PTPRD: variants seen among roughly 807,000 people sequenced by gnomAD.
The protein encoded by PTPRD is receptor-type tyrosine-protein phosphatase delta.
A neutral mutation model predicts 214.5 loss-of-function variants in PTPRD; 34 were observed. That is an observed-to-expected ratio of 0.16 (90% CI 0.12 to 0.21). PTPRD has a LOEUF of 0.21. Among genes scored for constraint, PTPRD ranks in the 10% least tolerant of loss-of-function variants. PTPRD has a pLI of 1.00. For synonymous variants in PTPRD, 1,128 were observed against 845.7 expected, an observed-to-expected ratio of 1.33 and a Z score of -5.79; for missense variants, 2,545 against 2,398.7, an observed-to-expected ratio of 1.06 and a Z score of -1.27.
intron 4 of PTPRD, among the ~76,000 whole-genome samples, chr9:9,969,403 T>C (rs943784909): frequency 5.9e-5 from 9 of 152,114 alleles, no homozygotes; most frequent in African/African-American, 1.7e-4. Context: ...AAGGTTTTAA[T>C]CAAGGAGATA....
chr9:8,838,719 A>G (rs2097493421), intron 11 of PTPRD, among the ~76,000 whole-genome samples: 1 of 152,128 alleles, frequency 6.6e-6, no homozygotes, highest in Non-Finnish European at 1.5e-5. Flanking sequence ...TTGCAGGATA[A>G]AAATAAATAT....
chr9:9,702,404 G>C (rs958116819), intron 7 of PTPRD, among the ~76,000 whole-genome samples: 2 of 152,112 alleles, frequency 1.3e-5, no homozygotes, highest in African/African-American at 4.8e-5. Flanking sequence ...TTTCACAGTG[G>C]GCTTTTTCTG....
chr9:9,418,199 T>C (rs2077548102), intron 8 of PTPRD, among the ~76,000 whole-genome samples: 1 of 152,038 alleles, frequency 6.6e-6, no homozygotes, highest in Admixed American at 6.6e-5. Flanking sequence ...GGCAAAGTGT[T>C]AAGCATGAAG....
chr9:8,822,024 G>T (rs1475484158), intron 11 of PTPRD, among the ~76,000 whole-genome samples: 2 of 152,206 alleles, frequency 1.3e-5, no homozygotes, highest in Non-Finnish European at 2.9e-5. Context: ...GACAGTTACA[G>T]GATTTGTTGC....
intron 2 of PTPRD, among the ~76,000 whole-genome samples, chr9:10,520,135 C>A (rs528411578): frequency 6.6e-6 from 1 of 152,188 alleles, no homozygotes; most frequent in South Asian, 2.1e-4. Context: ...CCAAGACAGC[C>A]CAAAAACTAG....
chr9:8,873,892 T>C (rs2098343777), intron 11 of PTPRD, among the ~76,000 whole-genome samples: 1 of 152,140 alleles, frequency 6.6e-6, no homozygotes, highest in East Asian at 1.9e-4. Context: ...CCCATGTGAA[T>C]AGTAATGGTG....
In PTPRD at chr9:9,003,496, C is replaced by A. The variant is rs139807290; in HGVS notation, c.-104+15201G>T. Among the ~76,000 whole-genome samples the A allele has an allele frequency of 2.0e-5, 3 of 151,948 alleles. No individual in the cohort carries two copies. In the East Asian group the frequency reaches 5.8e-4, roughly 29 times the overall value. ...AATATGGTTTTAGAAATACAGACTC[C>A]AAGAGAGGTGAGCTAAGACATGACT... On this transcript the variant is annotated intron_variant, in intron 11 of 45. Transcript: ENST00000381196.
intron 5 of PTPRD, among the ~76,000 whole-genome samples, chr9:9,896,560 C>G (rs897434282): frequency 6.6e-6 from 1 of 151,796 alleles, no homozygotes; most frequent in African/African-American, 2.4e-5. Flanking sequence ...CAATGATTGG[C>G]AAAAGAACAA....
At chr9:10,281,768 T>G (rs1208582538) in intron 3 of PTPRD, among the ~76,000 whole-genome samples, 1 of 152,146 alleles carries the variant, frequency 6.6e-6, no homozygotes, top group African/African-American at 2.4e-5. Context: ...TGAAAAAACC[T>G]GTTTAACACG....
chr9:8,806,621 A>G (rs1161657273), intron 11 of PTPRD, among the ~76,000 whole-genome samples: 1 of 152,180 alleles, frequency 6.6e-6, no homozygotes, highest in African/African-American at 2.4e-5. Flanking sequence ...AATTAATTCT[A>G]TATGTTTAAG....
intron 3 of PTPRD, among the ~76,000 whole-genome samples, chr9:10,128,122 T>A (rs886296328): frequency 2.0e-5 from 3 of 152,152 alleles, no homozygotes; most frequent in African/African-American, 7.2e-5. Flanking sequence ...CAACTTTTAT[T>A]CCAATGTTCT....
intron 12 of PTPRD, among the ~76,000 whole-genome samples, chr9:8,695,465 T>C (rs924388601): frequency 2.0e-5 from 3 of 151,868 alleles, no homozygotes; most frequent in African/African-American, 7.3e-5. Flanking sequence ...GTCAATGTTA[T>C]AGGCAAGCAA....
At chr9:10,374,002 C>A (rs7863977) in intron 2 of PTPRD, among the ~76,000 whole-genome samples, 6,457 of 152,118 alleles carry the variant, frequency 0.042, 460 homozygotes, top group African/African-American at 0.14. Flanking sequence ...CCCGAAATAT[C>A]TGTTTATATC....
chr9:9,637,648 G>A (rs2095814312), intron 7 of PTPRD, among the ~76,000 whole-genome samples: 1 of 152,186 alleles, frequency 6.6e-6, no homozygotes. Flanking sequence ...TGAAATGCAT[G>A]CCTGAGGCCT....
chr9:10,108,571 C>A (rs995011495), intron 3 of PTPRD, among the ~76,000 whole-genome samples: 4 of 151,778 alleles, frequency 2.6e-5, no homozygotes, highest in Non-Finnish European at 5.9e-5. Context: ...CTCAAAAAAT[C>A]AAAAAATCCA....
chr9:9,774,885 A>G (rs1389940845), intron 5 of PTPRD, among the ~76,000 whole-genome samples: 1 of 152,204 alleles, frequency 6.6e-6, no homozygotes, highest in African/African-American at 2.4e-5. Flanking sequence ...TACCTCATAA[A>G]TGCCTGATCT....
intron 2 of PTPRD, among the ~76,000 whole-genome samples, chr9:10,409,399 T>C (rs1443363084): frequency 6.6e-6 from 1 of 151,758 alleles, no homozygotes; most frequent in East Asian, 2.0e-4. Context: ...CATATTATGG[T>C]CATACTAATC....
intron 2 of PTPRD, among the ~76,000 whole-genome samples, chr9:10,561,662 G>C (rs190516561): frequency 1.3e-5 from 2 of 152,194 alleles, no homozygotes; most frequent in African/African-American, 4.8e-5. Flanking sequence ...GAAGGAAAAT[G>C]TCTTCATTTT....
chr9:9,398,956 A>G (rs767049019), intron 8 of PTPRD, among the ~76,000 whole-genome samples: 2 of 152,058 alleles, frequency 1.3e-5, no homozygotes, highest in Non-Finnish European at 2.9e-5. Flanking sequence ...GACTCTGCCT[A>G]TATGAAGCAT....
Sources: allele counts gnomAD v4.1 joint callset (sites outside exome capture counted in the v4.1 genomes callset), GRCh38; gene constraint gnomAD v4.1.1; transcripts MANE v1.5; gene names NCBI Gene and HGNC (gene_info 2026-07-23, HGNC 2026-07-21).